The following ITGBL1 variants were observed in gnomAD, a reference collection of about 807,000 sequenced individuals.
The protein encoded by ITGBL1 is integrin subunit beta like 1, also known as integrin beta-like protein 1.
In ITGBL1, 51 loss-of-function variants were observed where a neutral mutation model predicts 68.5. The observed-to-expected ratio is 0.74, with a 90% CI of 0.59 to 0.94. ITGBL1 has a LOEUF of 0.94. Ranked by LOEUF, ITGBL1 falls within the 40% of genes least tolerant of loss-of-function variation. ITGBL1 has a pLI of 0.00. For synonymous variants in ITGBL1, 209 were observed against 227.3 expected, an observed-to-expected ratio of 0.92 and a Z score of 0.72; for missense variants, 649 against 647.4, an observed-to-expected ratio of 1.00 and a Z score of -0.03.
intron 2 of ITGBL1, among the ~76,000 whole-genome samples, chr13:101,548,734 G>A (rs1480159059): frequency 6.6e-6 from 1 of 151,538 alleles, no homozygotes; most frequent in African/African-American, 2.4e-5. Context: ...CAAAATATCT[G>A]AAACAAAAGG....
intron 2 of ITGBL1, among the ~76,000 whole-genome samples, chr13:101,496,519 A>G (rs1333593451): frequency 6.6e-6 from 1 of 152,184 alleles, no homozygotes; most frequent in Non-Finnish European, 1.5e-5. Context: ...ACAGTGAATG[A>G]CTGTAATTAG....
intron 7 of ITGBL1, among the ~76,000 whole-genome samples, chr13:101,690,764 T>G (rs1483515190): frequency 6.6e-6 from 1 of 152,192 alleles, no homozygotes; most frequent in Non-Finnish European, 1.5e-5. Flanking sequence ...CCTCATCTAT[T>G]AAATAAATTG....
intron 2 of ITGBL1, among the ~76,000 whole-genome samples, chr13:101,555,123 A>T (rs1057185513): frequency 2.5e-4 from 38 of 152,316 alleles, no homozygotes; most frequent in African/African-American, 9.1e-4. Context: ...ATAAAAAGTG[A>T]CAATATTAAT....
At chr13:101,534,919 T>C (rs2049545948) in intron 2 of ITGBL1, among the ~76,000 whole-genome samples, 1 of 152,102 alleles carries the variant, frequency 6.6e-6, no homozygotes, top group Non-Finnish European at 1.5e-5. Context: ...CAGTGTAACA[T>C]AAGATGTTCT....
chr13:101,669,471 T>C (rs1448917728), intron 7 of ITGBL1, among the ~76,000 whole-genome samples: 3 of 152,144 alleles, frequency 2.0e-5, no homozygotes, highest in African/African-American at 7.2e-5. Context: ...TTGTAAAGTA[T>C]AATCTTATGA....
chr13:101,633,343 A>G (rs1447452304), intron 7 of ITGBL1, among the ~76,000 whole-genome samples: 1 of 152,176 alleles, frequency 6.6e-6, no homozygotes, highest in East Asian at 1.9e-4. Context: ...AAGGGTATGC[A>G]TATTGTTTTG....
At chr13:101,612,465 A>G (rs1244864169) in intron 7 of ITGBL1, among the ~76,000 whole-genome samples, 2 of 152,152 alleles carry the variant, frequency 1.3e-5, no homozygotes, top group Non-Finnish European at 2.9e-5. Flanking sequence ...GCTTCCTTTA[A>G]TTTGCTGGAA....
At chr13:101,653,189 G>C (rs998000659) in intron 7 of ITGBL1, among the ~76,000 whole-genome samples, 1 of 151,450 alleles carries the variant, frequency 6.6e-6, no homozygotes, top group African/African-American at 2.4e-5. Context: ...AGAGGAGGAG[G>C]AGGAGGAGGG....
chr13:101,650,620 C>CTTTTTTTTT (rs55874443), intron 7 of ITGBL1, among the ~76,000 whole-genome samples: 1 of 137,414 alleles, frequency 7.3e-6, no homozygotes. Context: ...TCTTTTTTTT[C>CTTTTTTTTT]TTTTTTTTTT....
chr13:101,540,113 A>G (rs1170035942), intron 2 of ITGBL1, among the ~76,000 whole-genome samples: 3 of 152,100 alleles, frequency 2.0e-5, no homozygotes, highest in South Asian at 4.1e-4. Context: ...TGTTTTAGAC[A>G]TGAAGTCCTT....
At chr13:101,571,669 T>C (rs1594897084) in intron 3 of ITGBL1, among the ~76,000 whole-genome samples, 1 of 152,262 alleles carries the variant, frequency 6.6e-6, no homozygotes, top group East Asian at 1.9e-4. Context: ...TCTGTGCATG[T>C]ATTTCTTTTT....
At chr13:101,662,103 TTGTC>T (rs1313312302) in intron 7 of ITGBL1, among the ~76,000 whole-genome samples, 1 of 152,198 alleles carries the variant, frequency 6.6e-6, no homozygotes, top group Non-Finnish European at 1.5e-5. Flanking sequence ...CTTCATTTCA[TTGTC>T]TGAATAGCTT....
intron 2 of ITGBL1, among the ~76,000 whole-genome samples, chr13:101,561,321 G>A (rs7985859): frequency 0.78 from 118,854 of 151,968 alleles, 46,494 homozygotes; most frequent in South Asian, 0.81. Flanking sequence ...GAGAGGAGCA[G>A]CTCCTCCAGG....
At chr13:101,576,995 A>C (rs2050373726) in intron 4 of ITGBL1, among the ~76,000 whole-genome samples, 1 of 151,878 alleles carries the variant, frequency 6.6e-6, no homozygotes, top group South Asian at 2.1e-4. Flanking sequence ...CTTTGGGGCC[A>C]GTGTGTGTTG....
chr13:101,458,586 G>A (rs1443099631), intron 2 of ITGBL1, among the ~76,000 whole-genome samples: 5 of 152,114 alleles, frequency 3.3e-5, no homozygotes, highest in Non-Finnish European at 5.9e-5. Context: ...GATATCTGCT[G>A]GGAATTAGTT....
At chr13:101,658,903 A>T (rs559476195) in intron 7 of ITGBL1, among the ~76,000 whole-genome samples, 142 of 144,694 alleles carry the variant, frequency 9.8e-4, no homozygotes, top group African/African-American at 3.3e-3. Context: ...AATAATAAAA[A>T]TATACATATA....
chr13:101,525,725 A>C (rs961596625), intron 2 of ITGBL1, among the ~76,000 whole-genome samples: 1 of 152,130 alleles, frequency 6.6e-6, no homozygotes, highest in Non-Finnish European at 1.5e-5. Flanking sequence ...TTATAAAAAT[A>C]GGGGATATGT....
intron 2 of ITGBL1, among the ~76,000 whole-genome samples, chr13:101,503,362 C>T (rs1049596427): frequency 2.6e-5 from 4 of 152,114 alleles, no homozygotes; most frequent in Non-Finnish European, 5.9e-5. Context: ...CCACAGAAGG[C>T]ATTGCTGAAC....
At chr13:101,605,611 T>C (rs1000913259) in intron 7 of ITGBL1, among the ~76,000 whole-genome samples, 26 of 146,746 alleles carry the variant, frequency 1.8e-4, no homozygotes, top group African/African-American at 6.7e-4. Flanking sequence ...TGTATATGCG[T>C]ATATATATAC....
Sources: gnomAD v4.1 joint callset for allele counts (sites outside exome capture counted in the v4.1 genomes callset) on GRCh38, gnomAD v4.1.1 for gene constraint, MANE v1.5 for transcripts, NCBI Gene and HGNC (gene_info 2026-07-23, HGNC 2026-07-21) for gene names.